Variants in TTC28 observed in about 807,000 individuals in gnomAD.
TTC28 encodes tetratricopeptide repeat domain 28.
A neutral mutation model predicts 198.0 loss-of-function variants in TTC28; 61 were observed. The ratio of observed to expected loss-of-function variants is 0.31; its 90% CI spans 0.25 to 0.38. TTC28 has a LOEUF of 0.38. Ranked by LOEUF, TTC28 falls within the 10% of genes least tolerant of loss-of-function variation. TTC28 has a pLI of 1.00. For missense variants in TTC28, 2,678 were observed against 3,164.0 expected, an observed-to-expected ratio of 0.85 and a Z score of 3.69; for synonymous variants, 1,171 against 1,297.8, an observed-to-expected ratio of 0.90 and a Z score of 2.10.
chr22:28,606,448 T>C (rs1480852937), intron 2 of TTC28, among the ~76,000 whole-genome samples: 1 of 152,184 alleles, frequency 6.6e-6, no homozygotes, highest in Non-Finnish European at 1.5e-5. Context: ...TGTAGGGGTA[T>C]GTCTGTGAGT....
At chr22:28,007,104 C>G (rs1216533717) in intron 14 of TTC28, 1 of 152,150 alleles carries the variant, frequency 6.6e-6, no homozygotes, top group Non-Finnish European at 1.5e-5. Flanking sequence ...ATGGACTTTA[C>G]TGTCTACAAT....
intron 5 of TTC28, among the ~76,000 whole-genome samples, chr22:28,242,317 G>A (rs1363927318): frequency 2.0e-5 from 3 of 152,138 alleles, no homozygotes; most frequent in Non-Finnish European, 4.4e-5. Flanking sequence ...CAGTAATTAT[G>A]CCATCTGACA....
intron 2 of TTC28, among the ~76,000 whole-genome samples, chr22:28,420,958 T>C (rs1356948707): frequency 6.6e-6 from 1 of 152,204 alleles, no homozygotes; most frequent in Non-Finnish European, 1.5e-5. Context: ...AACTGATGTC[T>C]TCCCTCTTTT....
chr22:28,331,559 A>G (rs1388110184), intron 2 of TTC28, among the ~76,000 whole-genome samples: 2 of 152,152 alleles, frequency 1.3e-5, no homozygotes, highest in Non-Finnish European at 2.9e-5. Flanking sequence ...AGCCTAATAC[A>G]GATACATAAT....
At chr22:28,193,732 G>C (rs531711504) in intron 5 of TTC28, among the ~76,000 whole-genome samples, 39 of 152,232 alleles carry the variant, frequency 2.6e-4, no homozygotes, top group South Asian at 6.2e-4. Context: ...AACAAGAAGA[G>C]CTAACTATCC....
chr22:28,065,096 C>T (rs1017507180), intron 12 of TTC28, among the ~76,000 whole-genome samples: 2 of 152,206 alleles, frequency 1.3e-5, no homozygotes, highest in African/African-American at 4.8e-5. Flanking sequence ...ACCCAGGCCA[C>T]ACCCCTTGCA....
chr22:28,097,076 G>A (rs1942001708), intron 10 of TTC28, among the ~76,000 whole-genome samples: 1 of 152,094 alleles, frequency 6.6e-6, no homozygotes, highest in African/African-American at 2.4e-5. Context: ...AGCTGTCTAT[G>A]CGTCTTCTGA....
chr22:28,023,080 G>T (rs545035332), intron 13 of TTC28, among the ~76,000 whole-genome samples: 2 of 152,376 alleles, frequency 1.3e-5, no homozygotes, highest in South Asian at 4.1e-4. Flanking sequence ...CTCAAGCCCA[G>T]GAATGAATCT....
chr22:28,226,424 C>T (rs1233975720), intron 5 of TTC28, among the ~76,000 whole-genome samples: 1 of 152,078 alleles, frequency 6.6e-6, no homozygotes, highest in African/African-American at 2.4e-5. Context: ...CTCTTCTCTT[C>T]TTTTCTCTTC....
chr22:28,135,564 T>C (rs185188258), intron 6 of TTC28, among the ~76,000 whole-genome samples: 315 of 152,298 alleles, frequency 2.1e-3, no homozygotes, highest in African/African-American at 6.7e-3. Context: ...ACAGGTCAAC[T>C]GACTTGACAT....
chr22:28,199,383 TTATATATA>T (rs34398046), intron 5 of TTC28, among the ~76,000 whole-genome samples: 8,387 of 118,298 alleles, frequency 0.071, 341 homozygotes, highest in African/African-American at 0.11. Context: ...ACATTAAAAA[TTATATATA>T]TATATATATA....
chr22:28,512,150 TC>T lies in TTC28; in HGVS notation c.381+117401del, dbSNP rs555168075. On this transcript the variant is annotated intron_variant, in intron 2 of 22. Coordinates refer to ENST00000397906, the MANE Select transcript of TTC28 (RefSeq NM_001145418.2). ...TGAGCAAAGGACATGGACAGACACTTCTCAAAAGAAGACATACATGAGGCCA... is the reference window on the plus strand; with the variant it reads ...TGAGCAAAGGACATGGACAGACACTTTCAAAAGAAGACATACATGAGGCCA... Among the ~76,000 whole-genome samples the T allele has an allele frequency of 2.6e-3, 386 of 150,810 alleles. 3 individuals carry two copies. Among genetic ancestry groups the T allele is most frequent in the African/African-American group, 8.7e-3 (360 of 41,172 alleles).
intron 2 of TTC28, among the ~76,000 whole-genome samples, chr22:28,392,624 C>T (rs2046748212): frequency 6.6e-6 from 1 of 152,158 alleles, no homozygotes; most frequent in African/African-American, 2.4e-5. Context: ...GTCTGTCACC[C>T]CTTTCTTTGA....
At chr22:28,128,888 C>T (rs1045023422) in intron 6 of TTC28, among the ~76,000 whole-genome samples, 8 of 152,056 alleles carry the variant, frequency 5.3e-5, no homozygotes, top group African/African-American at 1.9e-4. Flanking sequence ...CACTTGCAGA[C>T]CTAAACACGA....
At chr22:28,246,924 A>G (rs1481385821) in intron 5 of TTC28, among the ~76,000 whole-genome samples, 2 of 152,140 alleles carry the variant, frequency 1.3e-5, no homozygotes, top group African/African-American at 4.8e-5. Flanking sequence ...ATACACCCCA[A>G]CACCTGGTTA....
At chr22:28,506,376 C>T (rs2048613013) in intron 2 of TTC28, among the ~76,000 whole-genome samples, 1 of 152,072 alleles carries the variant, frequency 6.6e-6, no homozygotes, top group Non-Finnish European at 1.5e-5. Context: ...TCAGTCACTC[C>T]AGCAAGGGTT....
chr22:28,541,555 C>T (rs1569012510), intron 2 of TTC28, among the ~76,000 whole-genome samples: 1 of 152,036 alleles, frequency 6.6e-6, no homozygotes, highest in Non-Finnish European at 1.5e-5. Flanking sequence ...CAACAATGTC[C>T]ACAATTTAAA....
At chr22:28,564,045 C>T (rs1389538146) in intron 2 of TTC28, among the ~76,000 whole-genome samples, 1 of 152,082 alleles carries the variant, frequency 6.6e-6, no homozygotes, top group Non-Finnish European at 1.5e-5. Context: ...CAAATAATCA[C>T]ATATTACATG....
At chr22:28,028,990 G>T (rs1601533494) in intron 13 of TTC28, 2 of 471,130 alleles carry the variant, frequency 4.2e-6, no homozygotes, top group South Asian at 3.1e-5. Flanking sequence ...TCACACTCTA[G>T]TTTATCACCA....
Sources: allele counts gnomAD v4.1 joint callset (sites outside exome capture counted in the v4.1 genomes callset), GRCh38; gene constraint gnomAD v4.1.1; transcripts MANE v1.5; gene names NCBI Gene and HGNC (gene_info 2026-07-23, HGNC 2026-07-21).